The following PLEKHG1 variants were observed in gnomAD, a reference collection of about 807,000 sequenced individuals.
PLEKHG1 encodes pleckstrin homology and RhoGEF domain containing G1.
Under a neutral mutation model 100.8 loss-of-function variants are expected in PLEKHG1, and 44 were observed. The observed-to-expected ratio is 0.44, with a 90% confidence interval of 0.34 to 0.56. The LOEUF (loss-of-function observed/expected upper bound fraction) is 0.56, where lower values mean the gene tolerates loss of function less well. Among genes scored for constraint, PLEKHG1 ranks in the 20% least tolerant of loss-of-function variants. PLEKHG1 has a pLI of 0.01. For synonymous variants in PLEKHG1, 640 were observed against 662.5 expected (o/e 0.97, Z 0.52); for missense variants, 1,545 against 1,720.9 (o/e 0.90, Z 1.81).
chr6:150,707,409 G>A (rs1012689056), intron 3 of PLEKHG1, among the ~76,000 whole-genome samples: 4 of 152,168 alleles, frequency 2.6e-5, no homozygotes, highest in Admixed American at 2.0e-4. Flanking sequence ...ACAGTACAGT[G>A]TCCGGATGTG....
chr6:150,814,398 T>C (rs539771051), intron 10 of PLEKHG1, among the ~76,000 whole-genome samples: 1 of 152,380 alleles, frequency 6.6e-6, no homozygotes, highest in African/African-American at 2.4e-5. Context: ...ATGGTTAATA[T>C]AGTCAATATA....
At chr6:150,630,043 AG>A (rs1156448121) in intron 1 of PLEKHG1, among the ~76,000 whole-genome samples, 2 of 152,190 alleles carry the variant, frequency 1.3e-5, no homozygotes, top group Non-Finnish European at 2.9e-5. Context: ...ACTATTTCAC[AG>A]GGGATTACTG....
At chr6:150,700,163 G>C (rs1013682531) in intron 3 of PLEKHG1, among the ~76,000 whole-genome samples, 2 of 152,162 alleles carry the variant, frequency 1.3e-5, no homozygotes, top group South Asian at 2.1e-4. Context: ...AGAGAAGGAG[G>C]CCAGGAGACC....
At chr6:150,833,907 T>C (rs964830350) in intron 15 of PLEKHG1, among the ~76,000 whole-genome samples, 3 of 152,204 alleles carry the variant, frequency 2.0e-5, no homozygotes. Flanking sequence ...TATTAAATGC[T>C]GTCTTTGGGA....
chr6:150,786,588 T>A, intron 4 of PLEKHG1, 129 bp downstream of exon 5: 1 of 638,382 alleles, frequency 1.6e-6, no homozygotes, highest in South Asian at 2.1e-5. Context: ...TCTGGTTTCT[T>A]TGTTTGAGTA....
chr6:150,743,174 TG>T (rs568104214), intron 2 of PLEKHG1, among the ~76,000 whole-genome samples: 22 of 152,282 alleles, frequency 1.4e-4, no homozygotes, highest in Middle Eastern at 3.4e-3. Context: ...CCATTCTCAT[TG>T]TAAAACCTAT....
intron 1 of PLEKHG1, among the ~76,000 whole-genome samples, chr6:150,622,483 A>G (rs1777339342): frequency 2.0e-5 from 3 of 152,138 alleles, no homozygotes. Flanking sequence ...CAGGCAGCAT[A>G]GAGCCACCTC....
intron 3 of PLEKHG1, among the ~76,000 whole-genome samples, chr6:150,691,912 C>T (rs963210759): frequency 6.6e-6 from 1 of 152,204 alleles, no homozygotes; most frequent in African/African-American, 2.4e-5. Flanking sequence ...TAAGTTCTAC[C>T]CAAACTGTGT....
At position 150,630,999 on chromosome 6, in the gene PLEKHG1, C is replaced by G. The variant is rs970179431; in HGVS notation, c.-203-7081C>G. 2.0e-5 allele frequency among the ~76,000 whole-genome samples: 3 copies of G among 152,162 alleles called. No individual in the cohort carries two copies. The East Asian group carries it at 5.8e-4, about 29-fold the overall frequency. ...AAGGTCATTGGTGGCCTTGATAAAC[C>G]GTTTCGATGGAGTGGAGGGGGCCAA... On this transcript the variant is annotated intron_variant, in intron 1 of 3. Transcript: ENST00000367326.
chr6:150,795,732 A>AC, intron 4 of PLEKHG1, 124 bp from the exon 6 acceptor site: 1 of 405,710 alleles, frequency 2.5e-6, no homozygotes, highest in Non-Finnish European at 4.2e-6. Flanking sequence ...AAAAAAAAAA[A>AC]CAAAAAACAT....
chr6:150,648,267 G>A (rs745365575), intron 2 of PLEKHG1, among the ~76,000 whole-genome samples: 1 of 151,964 alleles, frequency 6.6e-6, no homozygotes, highest in African/African-American at 2.4e-5. Flanking sequence ...ATTCAACCTC[G>A]TCACCTGCTG....
chr6:150,612,041 T>G (rs1776854901), intron 1 of PLEKHG1, among the ~76,000 whole-genome samples: 1 of 96,430 alleles, frequency 1.0e-5, no homozygotes, highest in South Asian at 4.5e-4. Context: ...CTTCCTGGTG[T>G]TGTTCCCCCC....
chr6:150,818,223 T>C lies in PLEKHG1; in HGVS notation c.1312+7T>C. The C allele has an allele frequency of 6.3e-7, 1 of 1,585,262 alleles. No homozygotes were observed. The highest frequency in any genetic ancestry group is 8.7e-7 in the Non-Finnish European group (1 of 1,154,276). ...CTTGAAATGGATGCCATTCGTAAGT[T>C]TTATTTCCTTAAAACAATTTGAAAT... On this transcript the variant is annotated splice_region_variant and intron_variant, in intron 11 of 15. Coordinates refer to ENST00000358517, the Ensembl canonical transcript of PLEKHG1.
chr6:150,840,176 C>T (rs528444016), exon 16 of PLEKHG1: 8 of 1,614,174 alleles, frequency 5.0e-6, no homozygotes, highest in Admixed American at 3.3e-5. Context: ...AGAGATGCAG[C>T]GTGGTAGTAA....
intron 3 of PLEKHG1, among the ~76,000 whole-genome samples, chr6:150,702,438 C>G (rs927906157): frequency 6.6e-6 from 1 of 151,804 alleles, no homozygotes; most frequent in Non-Finnish European, 1.5e-5. Flanking sequence ...CCATTGCACT[C>G]CAGCCAGGGT....
intron 1 of PLEKHG1, among the ~76,000 whole-genome samples, chr6:150,728,003 T>C (rs1165303973): frequency 2.0e-5 from 3 of 152,196 alleles, no homozygotes; most frequent in Non-Finnish European, 4.4e-5. Flanking sequence ...ATGTTTCAGT[T>C]TGTCAGGGAA....
At chr6:150,826,030 A>AATC (rs1226567778) in intron 14 of PLEKHG1, among the ~76,000 whole-genome samples, 1 of 151,930 alleles carries the variant, frequency 6.6e-6, no homozygotes, top group Non-Finnish European at 1.5e-5. Context: ...AATACAAAAA[A>AATC]ATCAGCAGGG....
intron 3 of PLEKHG1, among the ~76,000 whole-genome samples, chr6:150,692,040 A>C (rs950750407): frequency 2.6e-5 from 4 of 152,340 alleles, no homozygotes; most frequent in Middle Eastern, 3.4e-3. Context: ...AGTTTGAGGA[A>C]GCCTGGTTAG....
At chr6:150,670,262 G>A (rs767478515) in intron 3 of PLEKHG1, among the ~76,000 whole-genome samples, 34 of 152,054 alleles carry the variant, frequency 2.2e-4, no homozygotes, top group Non-Finnish European at 3.8e-4. Flanking sequence ...AACTTACACA[G>A]GTTTTTCTTT....
Sources: gnomAD v4.1 joint callset for allele counts (sites outside exome capture counted in the v4.1 genomes callset) on GRCh38, gnomAD v4.1.1 for gene constraint, MANE v1.5 for transcripts, NCBI Gene and HGNC (gene_info 2026-07-23, HGNC 2026-07-21) for gene names.